Variants in NRXN1 observed in about 807,000 individuals in gnomAD.
The protein encoded by NRXN1 is neurexin-1.
A neutral mutation model predicts 150.9 loss-of-function variants in NRXN1; 39 were observed. That is an observed-to-expected ratio of 0.26 (90% CI 0.20 to 0.34). The LOEUF is 0.34. Ranked by LOEUF, NRXN1 falls within the 10% of genes least tolerant of loss-of-function variation. The probability of loss-of-function intolerance (pLI) is 1.00; values close to 1 mark genes in which losing one functional copy is unlikely to be tolerated. For synonymous variants in NRXN1, 924 were observed against 757.0 expected (o/e 1.22, Z -3.62); for missense variants, 1,815 against 1,949.9 (o/e 0.93, Z 1.30).
intron 21 of NRXN1, among the ~76,000 whole-genome samples, chr2:49,998,586 C>G (rs928870137): frequency 6.6e-6 from 1 of 151,860 alleles, no homozygotes; most frequent in Non-Finnish European, 1.5e-5. Flanking sequence ...TAAAATGAAC[C>G]AATTTTTGCT....
intron 5 of NRXN1, among the ~76,000 whole-genome samples, chr2:50,765,938 G>C (rs1702332859): frequency 6.6e-6 from 1 of 151,984 alleles, no homozygotes; most frequent in Admixed American, 6.6e-5. Flanking sequence ...ATAGTGAAAA[G>C]TCTCAGTGAC....
chr2:50,720,886 G>A (rs1006280603), intron 5 of NRXN1, among the ~76,000 whole-genome samples: 4 of 152,050 alleles, frequency 2.6e-5, no homozygotes, highest in African/African-American at 9.7e-5. Flanking sequence ...TAGATGAACA[G>A]CTTGTCACTC....
chr2:50,962,383 G>A (rs1267690048), intron 2 of NRXN1, among the ~76,000 whole-genome samples: 1 of 151,642 alleles, frequency 6.6e-6, no homozygotes, highest in African/African-American at 2.4e-5. Context: ...CTATGAGAAT[G>A]CTTTAAAACA....
intron 22 of NRXN1, among the ~76,000 whole-genome samples, chr2:49,930,734 A>G (rs1461154735): frequency 6.6e-6 from 1 of 152,146 alleles, no homozygotes; most frequent in Admixed American, 6.5e-5. Flanking sequence ...CCAAACTCTA[A>G]TGAAGATTGA....
At chr2:50,433,204 C>T (rs2085126982) in intron 17 of NRXN1, among the ~76,000 whole-genome samples, 2 of 152,186 alleles carry the variant, frequency 1.3e-5, no homozygotes, top group South Asian at 4.1e-4. Context: ...GTTAGTCAAT[C>T]CCACTGCAGT....
At chr2:50,551,336 G>A (rs1022255892) in intron 9 of NRXN1, 1 of 152,028 alleles carries the variant, frequency 6.6e-6, no homozygotes, top group East Asian at 1.9e-4. Flanking sequence ...TCTTTATTTT[G>A]TTAGGTAAAA....
intron 5 of NRXN1, among the ~76,000 whole-genome samples, chr2:50,749,589 C>G (rs115266082): frequency 0.041 from 6,171 of 152,042 alleles, 149 homozygotes; most frequent in Admixed American, 0.069. Flanking sequence ...TAATGGAGAA[C>G]ATGTTCATCT....
At chr2:50,626,385 T>C (rs1254618461) in intron 5 of NRXN1, among the ~76,000 whole-genome samples, 1 of 151,934 alleles carries the variant, frequency 6.6e-6, no homozygotes, top group African/African-American at 2.4e-5. Context: ...AAGATGGACA[T>C]TTATTACAAA....
chr2:50,864,779 A>G (rs1676638610), intron 5 of NRXN1, among the ~76,000 whole-genome samples: 1 of 151,904 alleles, frequency 6.6e-6, no homozygotes. Flanking sequence ...CGTCCTTTGA[A>G]ACTTGGTTTT....
intron 5 of NRXN1, among the ~76,000 whole-genome samples, chr2:50,782,830 C>G (rs1704539198): frequency 6.6e-6 from 1 of 152,046 alleles, no homozygotes; most frequent in Non-Finnish European, 1.5e-5. Context: ...AAAATGCATA[C>G]TTGAAGAAAA....
intron 5 of NRXN1, among the ~76,000 whole-genome samples, chr2:50,653,775 C>G (rs938110100): frequency 2.0e-5 from 3 of 151,940 alleles, no homozygotes; most frequent in African/African-American, 7.2e-5. Context: ...TCAGACTTGC[C>G]TGTTCTCTTA....
Position 50,495,984 on chromosome 2 carries a change from G to C in NRXN1, c.2991C>G (p.Thr997=), listed in dbSNP as rs1161810146. The change falls in exon 15 of 23, where the codon ACC becomes ACG. Residue 997 remains threonine, a synonymous_variant. Transcript: ENST00000401669. ...CAATCTTTACAGTGTGGAGGTTGCTGGTGTCCCTTGATATCATCACGTTGT... is the reference window on the plus strand; with the variant it reads ...CAATCTTTACAGTGTGGAGGTTGCTCGTGTCCCTTGATATCATCACGTTGT... ...QWHNVMISRD[T]SNLHTVKIDT... is the part of the protein sequence containing the mutation. 1 of 1,613,494 alleles carries C rather than the reference G, an allele frequency of 6.2e-7. No individual in the cohort carries two copies. The highest frequency in any genetic ancestry group is 8.5e-7 in the Non-Finnish European group (1 of 1,179,702).
chr2:50,119,584 C>T (rs190413597), intron 18 of NRXN1, among the ~76,000 whole-genome samples: 10 of 151,114 alleles, frequency 6.6e-5, no homozygotes, highest in African/African-American at 2.2e-4. Flanking sequence ...AAAAAACTAT[C>T]ATTTGAATGT....
chr2:50,985,469 A>G (rs554017072), intron 2 of NRXN1: 3 of 151,978 alleles, frequency 2.0e-5, no homozygotes, highest in Non-Finnish European at 2.9e-5. Context: ...AAAATTCTGA[A>G]TCTAGAATGT....
chr2:50,317,092 C>A lies in NRXN1; in HGVS notation c.3365-80122G>T, dbSNP rs185014493. Among the ~76,000 whole-genome samples the A allele has an allele frequency of 2.4e-3, 372 of 151,964 alleles. 2 individuals are homozygous for A. Among genetic ancestry groups the A allele is most frequent in the African/African-American group, 8.5e-3 (354 of 41,482 alleles). On this transcript the variant is annotated intron_variant, in intron 17 of 22. Coordinates refer to ENST00000401669, the MANE Select transcript of NRXN1 (RefSeq NM_001330078.2). ...GTTCAGAGAAATATTTTCTGCTCTG[C>A]GTTTAAAAATGACAAATAACTATGA...
intron 15 of NRXN1, among the ~76,000 whole-genome samples, chr2:50,473,947 A>C (rs142210466): frequency 1.3e-5 from 2 of 152,026 alleles, no homozygotes; most frequent in Non-Finnish European, 2.9e-5. Context: ...AAGTCATTCA[A>C]CGTTAAAAAC....
intron 18 of NRXN1, among the ~76,000 whole-genome samples, chr2:50,107,405 A>C (rs1447224150): frequency 6.6e-6 from 1 of 151,160 alleles, no homozygotes; most frequent in Non-Finnish European, 1.5e-5. Context: ...CCATCTTTTA[A>C]ATTTTTAAAG....
chr2:51,011,915 G>A (rs1282033741), intron 2 of NRXN1, among the ~76,000 whole-genome samples: 1 of 151,978 alleles, frequency 6.6e-6, no homozygotes, highest in Non-Finnish European at 1.5e-5. Flanking sequence ...GGGAGTATGA[G>A]AGCCTAAAAT....
At chr2:50,254,952 G>T (rs529268329) in intron 17 of NRXN1, among the ~76,000 whole-genome samples, 1 of 151,922 alleles carries the variant, frequency 6.6e-6, no homozygotes, top group African/African-American at 2.4e-5. Flanking sequence ...GTCTACAGGC[G>T]CACACTACCA....
Sources: allele counts gnomAD v4.1 joint callset (sites outside exome capture counted in the v4.1 genomes callset), GRCh38; gene constraint gnomAD v4.1.1; transcripts MANE v1.5; gene names NCBI Gene and HGNC (gene_info 2026-07-23, HGNC 2026-07-21).